Variants in FAM162B observed in about 807,000 individuals in gnomAD.
FAM162B encodes family with sequence similarity 162 member B.
FAM162B carries 16 observed loss-of-function variants against 20.0 expected under a neutral mutation model. The ratio of observed to expected loss-of-function variants is 0.80; its 90% confidence interval spans 0.54 to 1.21. The LOEUF (loss-of-function observed/expected upper bound fraction) is 1.21, where lower values mean the gene tolerates loss of function less well. Among genes scored for constraint, FAM162B ranks in the 50% most tolerant of loss-of-function variants. FAM162B has a pLI of 0.00. For missense variants in FAM162B, 260 were observed against 227.5 expected, an observed-to-expected ratio of 1.14 and a Z score of -0.92; for synonymous variants, 83 against 89.7, an observed-to-expected ratio of 0.93 and a Z score of 0.42.
chr6:116,757,711 T>C (rs1334558998), intron 3 of FAM162B, among the ~76,000 whole-genome samples: 2 of 146,598 alleles, frequency 1.4e-5, no homozygotes, highest in South Asian at 2.2e-4. Flanking sequence ...ATCATGCCAC[T>C]GCACTCCAGC....
rs1041829178 is a variant in FAM162B at position 116,753,229 on chromosome 6, G to C, written c.391-534C>G. Among the ~76,000 whole-genome samples, 7 of 152,022 alleles carry C rather than the reference G, an allele frequency of 4.6e-5. No individual in the cohort carries two copies. The East Asian group carries it at 1.2e-3, about 25-fold the overall frequency. ...GCTTCCACAATGAATTCACCACAAA[G>C]TTCTATCCTTTTTACTTCCCCAAAT... is the stretch of plus-strand genomic sequence containing the variant. On this transcript the variant is annotated intron_variant, in intron 3 of 3. Coordinates refer to ENST00000368557, the MANE Select transcript of FAM162B (RefSeq NM_001085480.3).
At chr6:116,765,090 C>G (rs1044280597) in intron 2 of FAM162B, 57 bp downstream of exon 2, 9 of 1,569,768 alleles carry the variant, frequency 5.7e-6, no homozygotes, top group Non-Finnish European at 7.8e-6. Flanking sequence ...GGTGGGTCAC[C>G]CCGCACCCTT....
At chr6:116,758,854 T>C (rs1325560206) in intron 3 of FAM162B, among the ~76,000 whole-genome samples, 3 of 152,174 alleles carry the variant, frequency 2.0e-5, no homozygotes, top group Non-Finnish European at 4.4e-5. Context: ...GGGTTATTTA[T>C]GTGATTTGAA....
intron 3 of FAM162B, among the ~76,000 whole-genome samples, chr6:116,761,690 A>C (rs376831363): frequency 7.0e-6 from 1 of 143,412 alleles, no homozygotes; most frequent in African/African-American, 2.6e-5. Flanking sequence ...ACATATATAC[A>C]TATATAAATA....
intron 3 of FAM162B, among the ~76,000 whole-genome samples, chr6:116,757,742 G>A (rs1780068744): frequency 7.6e-6 from 1 of 132,148 alleles, no homozygotes; most frequent in African/African-American, 3.1e-5. Context: ...GTGAGACCCT[G>A]TCCTCCTCCA....
rs1771902343 is a variant in FAM162B at position 116,765,638 on chromosome 6, CA to C, written c.-63del. 1.3e-5 allele frequency: 16 copies of C among 1,260,186 alleles called. No individual in the cohort carries two copies. The highest frequency in any genetic ancestry group is 1.5e-5 in the Non-Finnish European group (15 of 1,006,016). The allele number at this position is 1,260,186 out of a possible 1,614,324, so 78.1% of individuals were successfully genotyped here. On this transcript the variant is annotated 5_prime_UTR_variant, in exon 1 of 4. Transcript: ENST00000368557. ...GACCCAGCCACAGGCGTTGTCCCCG[CA>C]GCTCTCCTCGTCCCGCCCCGGCCTG...
rs373989616 is a variant in FAM162B, at chr6:116,760,028, T to C, written c.390+1949A>G. Reference sequence around the variant, plus strand: ...TTGCACTAAGAATTCCTCAGATCTTTTTAGTTTATGTGTTTACTTGATCAC... The same window carrying C: ...TTGCACTAAGAATTCCTCAGATCTTCTTAGTTTATGTGTTTACTTGATCAC... On this transcript the variant is annotated intron_variant, in intron 3 of 3. Coordinates refer to ENST00000368557, the MANE Select transcript of FAM162B (RefSeq NM_001085480.3). 8.5e-5 allele frequency among the ~76,000 whole-genome samples: 13 copies of C among 152,348 alleles called. No individual in the cohort carries two copies. In the East Asian group the frequency reaches 2.3e-3, roughly 27 times the overall value.
In FAM162B at chr6:116,765,194, C is replaced by T; in HGVS notation, c.234G>A (p.Leu78=). ...CCATCGATTTGAAACGCCCTGTCCA[C>T]AGCAGGATTTTCTTGTCGAACTGCG... ...RPSQFDKKIL[L]WTGRFKSMEE... Residue 78 remains leucine (L), a synonymous_variant, in exon 2 of 4, where the codon CTG becomes CTA. Coordinates refer to ENST00000368557, the MANE Select transcript of FAM162B (RefSeq NM_001085480.3). The T allele has an allele frequency of 1.2e-6, 2 of 1,613,988 alleles. No individual in the cohort carries two copies. Among genetic ancestry groups the T allele is most frequent in the East Asian group, 2.2e-5 (1 of 44,860 alleles).
At chr6:116,760,786 A>AT (rs1360486473) in intron 3 of FAM162B, among the ~76,000 whole-genome samples, 1 of 152,226 alleles carries the variant, frequency 6.6e-6, no homozygotes, top group East Asian at 1.9e-4. Context: ...AATAGGAATG[A>AT]AAGGACATTT....
At chr6:116,758,936 T>G (rs1229347449) in intron 3 of FAM162B, among the ~76,000 whole-genome samples, 2 of 152,204 alleles carry the variant, frequency 1.3e-5, no homozygotes, top group Non-Finnish European at 2.9e-5. Context: ...TTGTTTTGTT[T>G]TAATATATTT....
At chr6:116,763,114 G>A (rs1315353722) in intron 2 of FAM162B, among the ~76,000 whole-genome samples, 1 of 152,152 alleles carries the variant, frequency 6.6e-6, no homozygotes, top group Non-Finnish European at 1.5e-5. Context: ...ATTTTAGGCA[G>A]AGTGATGTAA....
rs780631668 is a variant in FAM162B at position 116,765,254 on chromosome 6, C to T, written c.174G>A (p.Gly58=). ...APSNSGPQGH[G]EIHRVPTQRR... The stretch of plus-strand genomic sequence containing the variant: ...GCTGCGTGGGGACTCGGTGAATCTC[C>T]CCTGCAGCGAAAGCAACCCAGATGG... The change falls in exon 2 of 4, where the codon GGG becomes GGA. Residue 58 remains glycine (G), a splice_region_variant and synonymous_variant. Coordinates refer to ENST00000368557, the MANE Select transcript of FAM162B (RefSeq NM_001085480.3). The T allele has an allele frequency of 1.5e-5, 24 of 1,613,332 alleles. No individual in the cohort carries two copies. Among genetic ancestry groups the T allele is most frequent in the Non-Finnish European group, 1.9e-5 (22 of 1,179,756 alleles).
Position 116,764,637 on chromosome 6 carries a change from C to G in FAM162B, c.281+510G>C, listed in dbSNP as rs9489036. Among the ~76,000 whole-genome samples the G allele has an allele frequency of 9.3e-3, 1,420 of 152,178 alleles. 19 individuals carry two copies. Among genetic ancestry groups the G allele is most frequent in the African/African-American group, 0.032 (1,347 of 41,516 alleles). On this transcript the variant is annotated intron_variant, in intron 2 of 3. Transcript: ENST00000368557. ...GGGCTGCAGAAACACGTCCGCCAGGCGTCTCCTGCCCCAGAAGAGGAGGCC... is the reference window on the plus strand; with the variant it reads ...GGGCTGCAGAAACACGTCCGCCAGGGGTCTCCTGCCCCAGAAGAGGAGGCC...
At chr6:116,755,426 A>G (rs557033653) in intron 3 of FAM162B, among the ~76,000 whole-genome samples, 1 of 152,336 alleles carries the variant, frequency 6.6e-6, no homozygotes, top group East Asian at 1.9e-4. Flanking sequence ...AAAGCAGTAG[A>G]AGACAAGTTG....
chr6:116,765,391 G>A lies in FAM162B; in HGVS notation c.172+14C>T, dbSNP rs1334982411. 1 of 1,477,156 alleles carries A rather than the reference G, an allele frequency of 6.8e-7. No individual in the cohort carries two copies. The highest frequency in any genetic ancestry group is 9.0e-7 in the Non-Finnish European group (1 of 1,111,192). 91.5% of individuals were successfully genotyped at this position (1,477,156 alleles called of 1,614,324 possible). On this transcript the variant is annotated intron_variant, in intron 1 of 3. Transcript: ENST00000368557. ...CCTCCCTCCCAGGACCTCCCCGTCG[G>A]AGCCCTGGCTCACCGTGACCTTGGG...
rs1455950717 is a variant in FAM162B at position 116,765,598 on chromosome 6, G to A, written c.-22C>T. The stretch of plus-strand genomic sequence containing the variant: ...GCATGCTGCCCGCTTGTCCCGCGCC[G>A]CACCCGCACCTCCGGACCCAGCCAC... On this transcript the variant is annotated 5_prime_UTR_variant, in exon 1 of 4. Transcript: ENST00000368557. 2.3e-6 allele frequency: 3 copies of A among 1,306,642 alleles called. No homozygotes were observed. The highest frequency in any genetic ancestry group is 3.9e-5 in the Admixed American group (1 of 25,874). The allele number at this position is 1,306,642 out of a possible 1,614,324, so 80.9% of individuals were successfully genotyped here.
rs755407736 is a variant in FAM162B, at chr6:116,765,519, C to T, written c.58G>A (p.Gly20Ser). 2.8e-5 allele frequency: 39 copies of T among 1,395,614 alleles called. No individual in the cohort carries two copies. Among genetic ancestry groups the T allele is most frequent in the African/African-American group, 4.6e-5 (3 of 65,794 alleles). 86.5% of individuals were successfully genotyped at this position (1,395,614 alleles called of 1,614,324 possible). ...RLGRGLTVRC[G>S]PGAPLEATRR... ...GTGGCCTCGAGAGGCGCCCCGGGGCCGCAGCGGACTGTTAGCCCGCGGCCA... is the reference window on the plus strand; with the variant it reads ...GTGGCCTCGAGAGGCGCCCCGGGGCTGCAGCGGACTGTTAGCCCGCGGCCA... The change falls in exon 1 of 4, where the codon GGC becomes AGC. Residue 20 changes from glycine (G) to serine (S), a missense_variant. By Grantham distance (56) the Gly-to-Ser change is moderately conservative. Coordinates refer to ENST00000368557, the MANE Select transcript of FAM162B (RefSeq NM_001085480.3).
intron 3 of FAM162B, among the ~76,000 whole-genome samples, chr6:116,755,095 A>G (rs953334919): frequency 6.6e-6 from 1 of 152,210 alleles, no homozygotes; most frequent in Non-Finnish European, 1.5e-5. Context: ...TTCAAGTAAA[A>G]GGAAGGGTTG....
Position 116,760,043 on chromosome 6 carries a change from T to C in FAM162B, c.390+1934A>G, listed in dbSNP as rs557936337. Reference sequence around the variant, plus strand: ...CTCAGATCTTTTTAGTTTATGTGTTTACTTGATCACTCTCCATTTTCCCTA... The same window carrying C: ...CTCAGATCTTTTTAGTTTATGTGTTCACTTGATCACTCTCCATTTTCCCTA... On this transcript the variant is annotated intron_variant, in intron 3 of 3. Coordinates refer to ENST00000368557, the MANE Select transcript of FAM162B (RefSeq NM_001085480.3). Among the ~76,000 whole-genome samples, 71 of 152,346 alleles carry C rather than the reference T, an allele frequency of 4.7e-4. No homozygotes were observed. The South Asian group carries it at 0.015, about 32-fold the overall frequency.
Sources: gnomAD v4.1 joint callset for allele counts (sites outside exome capture counted in the v4.1 genomes callset) on GRCh38, gnomAD v4.1.1 for gene constraint, MANE v1.5 for transcripts, NCBI Gene and HGNC (gene_info 2026-07-23, HGNC 2026-07-21) for gene names.